The following EXT2 variants were observed in gnomAD, a reference collection of about 807,000 sequenced individuals.
EXT2 encodes exostosin glycosyltransferase 2, also known as exostosin-2.
A neutral mutation model predicts 81.6 loss-of-function variants in EXT2; 53 were observed. That is an observed-to-expected ratio of 0.65 (90% CI 0.52 to 0.82). The LOEUF is 0.82. Among genes scored for constraint, EXT2 ranks in the 40% least tolerant of loss-of-function variants. EXT2 has a pLI of 0.00. For missense variants in EXT2, 774 were observed against 910.2 expected (o/e 0.85, Z 1.93); for synonymous variants, 320 against 340.0 (o/e 0.94, Z 0.65).
chr11:44,185,519 C>G (rs1955299004), intron 8 of EXT2, among the ~76,000 whole-genome samples: 1 of 151,902 alleles, frequency 6.6e-6, no homozygotes, highest in African/African-American at 2.4e-5. Flanking sequence ...CTTGTGGGTT[C>G]ATGCCTTTTT....
intron 8 of EXT2, among the ~76,000 whole-genome samples, chr11:44,184,771 A>AATG (rs1368318629): frequency 2.0e-4 from 31 of 152,224 alleles, no homozygotes; most frequent in Admixed American, 6.5e-4. Context: ...TAATAATAAT[A>AATG]ATTACATTCA....
chr11:44,148,358 G>A (rs1465723674), intron 7 of EXT2, among the ~76,000 whole-genome samples: 1 of 152,172 alleles, frequency 6.6e-6, no homozygotes, highest in Non-Finnish European at 1.5e-5. Context: ...TCTTAAATTA[G>A]CCAAGAGCAC....
intron 7 of EXT2, among the ~76,000 whole-genome samples, chr11:44,145,479 GT>G (rs1227674723): frequency 6.6e-6 from 1 of 152,088 alleles, no homozygotes; most frequent in Non-Finnish European, 1.5e-5. Flanking sequence ...CCATTGTCTT[GT>G]TCTATGGTCA....
chr11:44,199,892 G>A (rs1243307803), intron 9 of EXT2, among the ~76,000 whole-genome samples: 2 of 152,094 alleles, frequency 1.3e-5, no homozygotes, highest in Non-Finnish European at 2.9e-5. Flanking sequence ...AAAAGATTTT[G>A]ACTCTAGGGA....
intron 10 of EXT2, among the ~76,000 whole-genome samples, chr11:44,230,108 C>T (rs1039301999): frequency 2.0e-5 from 3 of 152,132 alleles, no homozygotes; most frequent in Non-Finnish European, 4.4e-5. Flanking sequence ...AAGGAAGGTT[C>T]GAGAAGCCCT....
chr11:44,209,865 G>A (rs1439013498), intron 10 of EXT2, among the ~76,000 whole-genome samples: 2 of 152,176 alleles, frequency 1.3e-5, no homozygotes, highest in Non-Finnish European at 2.9e-5. Flanking sequence ...TAGAATGTAA[G>A]CACCAAAGGG....
intron 4 of EXT2, among the ~76,000 whole-genome samples, chr11:44,124,444 T>TACAC (rs57261356): frequency 0.073 from 10,626 of 144,938 alleles, 390 homozygotes; most frequent in African/African-American, 0.084. Flanking sequence ...GTTTCTCTCC[T>TACAC]ACACACACAC....
At chr11:44,213,833 C>T (rs771468236) in intron 10 of EXT2, among the ~76,000 whole-genome samples, 2 of 152,102 alleles carry the variant, frequency 1.3e-5, no homozygotes, top group African/African-American at 2.4e-5. Context: ...TGGCTAAAAA[C>T]GTCCCAAATT....
At chr11:44,218,201 C>T (rs1021887854) in intron 10 of EXT2, among the ~76,000 whole-genome samples, 4 of 152,066 alleles carry the variant, frequency 2.6e-5, no homozygotes, top group Admixed American at 6.6e-5. Context: ...CATGGAAGAC[C>T]GCAAAATAGC....
intron 7 of EXT2, among the ~76,000 whole-genome samples, chr11:44,168,602 G>A (rs1355667479): frequency 6.6e-6 from 1 of 152,140 alleles, no homozygotes; most frequent in Admixed American, 6.5e-5. Context: ...GAAATAAAAA[G>A]CATATTGTCT....
chr11:44,114,573 C>T (rs1954194947), intron 4 of EXT2, among the ~76,000 whole-genome samples: 1 of 152,166 alleles, frequency 6.6e-6, no homozygotes, highest in African/African-American at 2.4e-5. Context: ...TTTCCTATAT[C>T]AAAGTAGGAA....
At chr11:44,189,510 A>G (rs1029841899) in intron 8 of EXT2, among the ~76,000 whole-genome samples, 1 of 152,236 alleles carries the variant, frequency 6.6e-6, no homozygotes, top group Non-Finnish European at 1.5e-5. Context: ...ACTTACAATC[A>G]TGGCGGAAGG....
chr11:44,099,040 CG>C (rs1448390555), intron 1 of EXT2, among the ~76,000 whole-genome samples: 2 of 152,006 alleles, frequency 1.3e-5, no homozygotes, highest in Non-Finnish European at 2.9e-5. Context: ...TCTCCATTGT[CG>C]CCCAGACTGG....
intron 13 of EXT2, among the ~76,000 whole-genome samples, chr11:44,242,869 G>A (rs1382423096): frequency 6.6e-6 from 1 of 152,080 alleles, no homozygotes; most frequent in Non-Finnish European, 1.5e-5. Flanking sequence ...CTTTGAACAT[G>A]TTATTTATCC....
Position 44,248,807 on chromosome 11 carries a change from G to T in EXT2, c.*4520G>T, listed in dbSNP as rs903241452. Among the ~76,000 whole-genome samples the T allele has an allele frequency of 6.6e-6, 1 of 152,132 alleles. No homozygotes were observed. The highest frequency in any genetic ancestry group is 1.9e-4 in the East Asian group (1 of 5,170). On this transcript the variant is annotated 3_prime_UTR_variant, in exon 14 of 14. Coordinates refer to ENST00000533608, the MANE Select transcript of EXT2 (RefSeq NM_207122.2). ...ACCTTGTGTCATTCTTTCAATTTCC[G>T]GCTCACCATTGCTGGCAACAGTGGG...
rs745846072 is a variant in EXT2, at chr11:44,107,902, C to T, written c.190C>T (p.Arg64Cys). The stretch of plus-strand genomic sequence containing the variant: ...CTGGAATGTAGAGAAGCGCAGCATC[C>T]GTGATGTGCCGGTTGTTAGGCTGCC... ...NDWNVEKRSI[R>C]DVPVVRLPAD... Residue 64 changes from arginine (R) to cysteine (C), a missense_variant, in exon 2 of 14, where the codon CGT (arginine) becomes TGT (cysteine). Arg to Cys is a radical substitution (Grantham distance 180, BLOSUM62 -3). Transcript: ENST00000533608. 5.6e-6 allele frequency: 9 copies of T among 1,614,164 alleles called. No individual in the cohort carries two copies. The highest frequency in any genetic ancestry group is 2.2e-5 in the East Asian group (1 of 44,878).
intron 8 of EXT2, among the ~76,000 whole-genome samples, chr11:44,187,382 C>T (rs1191416606): frequency 1.3e-5 from 2 of 151,540 alleles, no homozygotes; most frequent in Non-Finnish European, 2.9e-5. Flanking sequence ...TACTATGTTT[C>T]CCAGGCTGAT....
intron 4 of EXT2, among the ~76,000 whole-genome samples, chr11:44,114,808 A>G (rs531473695): frequency 6.6e-6 from 1 of 152,302 alleles, no homozygotes; most frequent in East Asian, 1.9e-4. Flanking sequence ...TCCCTAAAAC[A>G]TCTTTCAAGG....
chr11:44,239,990 C>G (rs969986252), intron 13 of EXT2, among the ~76,000 whole-genome samples: 3 of 152,226 alleles, frequency 2.0e-5, no homozygotes, highest in South Asian at 4.2e-4. Flanking sequence ...CTCTAGATTA[C>G]TTACAATCCC....
Sources: allele counts gnomAD v4.1 joint callset (sites outside exome capture counted in the v4.1 genomes callset), GRCh38; gene constraint gnomAD v4.1.1; transcripts MANE v1.5; gene names NCBI Gene and HGNC (gene_info 2026-07-23, HGNC 2026-07-21).